Variants in MCM2 observed in about 807,000 individuals in gnomAD.
MCM2 encodes minichromosome maintenance complex component 2.
A neutral mutation model predicts 86.4 loss-of-function variants in MCM2; 49 were observed. That is an observed-to-expected ratio of 0.57 (90% CI 0.45 to 0.72). MCM2 has a LOEUF of 0.72. Ranked by LOEUF, MCM2 falls within the 30% of genes least tolerant of loss-of-function variation. The pLI is 0.00. For synonymous variants in MCM2, 475 were observed against 484.6 expected, an observed-to-expected ratio of 0.98 and a Z score of 0.26; for missense variants, 1,038 against 1,259.9, an observed-to-expected ratio of 0.82 and a Z score of 2.67.
At position 127,620,735 on chromosome 3, in the gene MCM2, A is replaced by G. The variant is rs764627714; in HGVS notation, c.2303A>G (p.Glu768Gly). ...GSIPITVRHI[E>G]SMIRMAEAHA... is the part of the protein sequence containing the mutation. ...ATCCCCATTACGGTGCGGCACATCG[A>G]GTCCATGATCCGCATGGCGGAGGCC... Residue 768 changes from glutamate to glycine, a missense_variant, in exon 14 of 16, where the codon GAG becomes GGG. Coordinates refer to ENST00000265056, the MANE Select transcript of MCM2 (RefSeq NM_004526.4). 9 of 1,610,980 alleles carry G rather than the reference A, an allele frequency of 5.6e-6. No individual in the cohort carries two copies. Among genetic ancestry groups the G allele is most frequent in the African/African-American group, 1.3e-5 (1 of 75,020 alleles).
chr3:127,621,253 G>A (rs1403060331), intron 15 of MCM2, 25 bp downstream of exon 15: 43 of 1,612,342 alleles, frequency 2.7e-5, no homozygotes, highest in Non-Finnish European at 3.6e-5. Context: ...GGGAGGTGAG[G>A]GTTGGGGTAT....
At chr3:127,620,674 A>C (rs1382870302) in intron 13 of MCM2, 24 bp from the exon 14 acceptor site, 3 of 1,563,728 alleles carry the variant, frequency 1.9e-6, no homozygotes, top group Non-Finnish European at 2.6e-6. Flanking sequence ...CCCGTGAAAG[A>C]CCTGACACTG....
In MCM2 at chr3:127,619,220, A is replaced by G. The variant is rs1417236442; in HGVS notation, c.2207A>G (p.Asn736Ser). ...YAKERVHPKL[N>S]QMDQDKVAKM... is the part of the protein sequence containing the mutation. ...AAGGAGAGGGTCCACCCGAAGCTCA[A>G]CCAGATGGACCAGGACAAGGTGGCC... is the stretch of plus-strand genomic sequence containing the variant. Residue 736 changes from asparagine (N) to serine (S), a missense_variant, in exon 13 of 16, where the codon AAC becomes AGC. Around this residue, in one of 4 missense-constraint regions of MCM2, gnomAD observed 336 missense variants for 425.7 expected, o/e 0.79. Transcript: ENST00000265056. 6.2e-7 allele frequency: 1 copy of G among 1,614,074 alleles called. No individual in the cohort carries two copies. Among genetic ancestry groups the G allele is most frequent in the African/African-American group, 1.3e-5 (1 of 74,944 alleles).
intron 8 of MCM2, chr3:127,610,854 A>C (rs1304266931): frequency 2.2e-6 from 1 of 456,638 alleles, no homozygotes; most frequent in South Asian, 1.5e-5. Flanking sequence ...CATCGAACCT[A>C]GTCTGCGAAG....
Position 127,622,000 on chromosome 3 carries a change from G to A in MCM2, c.*227G>A. Reference sequence around the variant, plus strand: ...CCTTGCCAGTGTGTCTTACTTGGTTGCTGAACATCTTGCCACCTCCGAGTG... The same window carrying A: ...CCTTGCCAGTGTGTCTTACTTGGTTACTGAACATCTTGCCACCTCCGAGTG... On this transcript the variant is annotated 3_prime_UTR_variant, in exon 16 of 16. Coordinates refer to ENST00000265056, the MANE Select transcript of MCM2 (RefSeq NM_004526.4). 6.1e-6 allele frequency: 3 copies of A among 492,952 alleles called. No homozygotes were observed. The South Asian group carries it at 7.3e-5, about 12-fold the overall frequency. The allele number at this position is 492,952 out of a possible 1,614,324, so 30.5% of individuals were successfully genotyped here.
Position 127,618,672 on chromosome 3 carries a change from C to T in MCM2, c.2014-355C>T, listed in dbSNP as rs565487298. Among the ~76,000 whole-genome samples the T allele has an allele frequency of 6.6e-6, 1 of 152,312 alleles. No individual in the cohort carries two copies. The highest frequency in any genetic ancestry group is 1.9e-4 in the East Asian group (1 of 5,174). On this transcript the variant is annotated intron_variant, in intron 12 of 15. Coordinates refer to ENST00000265056, the MANE Select transcript of MCM2 (RefSeq NM_004526.4). This position sits in a 1 kb window ranked among gnomAD's most constrained non-coding sequence, Gnocchi z 4.0. ...TGTCACATGACTTGCATCTCATTGT[C>T]GTCATCTCAGCTCCCTGTCTTTCAG...
chr3:127,616,019 A>G (rs901101201), intron 9 of MCM2, 64 bp downstream of exon 9: 3 of 1,287,668 alleles, frequency 2.3e-6, no homozygotes, highest in African/African-American at 2.9e-5. Flanking sequence ...CCAGCATTCA[A>G]AGAAGGACAC....
At chr3:127,616,618 C>T (rs546084821) in intron 9 of MCM2, among the ~76,000 whole-genome samples, 2 of 152,364 alleles carry the variant, frequency 1.3e-5, no homozygotes, top group African/African-American at 2.4e-5. Flanking sequence ...CTTTGGAGAA[C>T]ACTTAGATTG....
At position 127,615,954 on chromosome 3, in the gene MCM2, A is replaced by T; in HGVS notation, c.1521A>T (p.Pro507=). ...TGTTCGGAGGGGAGCCCAAAAACCC[A>T]GGTGAGCACCCACCTTTCCTCTGCA... ...LALFGGEPKN[P]GGKHKVRGDI... is the part of the protein sequence containing the mutation. The change falls in exon 9 of 16, where the codon CCA becomes CCT. Residue 507 remains proline, a splice_region_variant and synonymous_variant. Transcript: ENST00000265056. The T allele has an allele frequency of 6.2e-7, 1 of 1,613,384 alleles. No homozygotes were observed. The highest frequency in any genetic ancestry group is 8.5e-7 in the Non-Finnish European group (1 of 1,179,326).
chr3:127,616,941 T>G lies in MCM2; in HGVS notation c.1596T>G (p.Phe532Leu). 1 of 1,614,186 alleles carries G rather than the reference T, an allele frequency of 6.2e-7. No individual in the cohort carries two copies. Among genetic ancestry groups the G allele is most frequent in the Non-Finnish European group, 8.5e-7 (1 of 1,180,038 alleles). The change falls in exon 10 of 16, where the codon TTT becomes TTG. Residue 532 changes from phenylalanine (F) to leucine (L), a missense_variant. By Grantham distance (22) the Phe-to-Leu change is conservative. Around this residue, in one of 4 missense-constraint regions of MCM2, gnomAD observed 399 missense variants for 507.2 expected, o/e 0.79. Transcript: ENST00000265056. ...CGDPGTAKSQ[F>L]LKYIEKVSSR... ...ACCCTGGCACAGCGAAGTCGCAGTT[T>G]CTCAAGTATATTGAGAAAGTGTCCA...
chr3:127,608,787 A>G (rs1174279489), intron 7 of MCM2, 45 bp from the exon 8 acceptor site: 1 of 1,592,132 alleles, frequency 6.3e-7, no homozygotes, highest in African/African-American at 1.3e-5. Context: ...GGAGGTGGGC[A>G]CCCCTGGGTT....
chr3:127,621,969 G>A lies in MCM2; in HGVS notation c.*196G>A. On this transcript the variant is annotated 3_prime_UTR_variant, in exon 16 of 16. Transcript: ENST00000265056. ...TGCTTTGTGCTTCTCACCTTTGGGT[G>A]GGATGCCTTGCCAGTGTGTCTTACT... The A allele has an allele frequency of 1.8e-6, 1 of 541,456 alleles. No individual in the cohort carries two copies. Among genetic ancestry groups the A allele is most frequent in the Non-Finnish European group, 3.3e-6 (1 of 303,132 alleles). 33.5% of individuals were successfully genotyped at this position (541,456 alleles called of 1,614,324 possible).
In MCM2 at chr3:127,617,541, A is replaced by G. The variant is rs2074442845; in HGVS notation, c.1900+136A>G. Reference sequence around the variant, plus strand: ...GCAGCAGAGGGTTCCCCTCTTCTGCATATCCTGCCAGAGTGGGGAACAGTG... The same window carrying G: ...GCAGCAGAGGGTTCCCCTCTTCTGCGTATCCTGCCAGAGTGGGGAACAGTG... On this transcript the variant is annotated intron_variant, in intron 11 of 15. Transcript: ENST00000265056. The surrounding 1 kb of genome is among the most constrained non-coding windows in gnomAD (Gnocchi z 4.1). The G allele has an allele frequency of 3.5e-6, 4 of 1,129,176 alleles. No individual in the cohort carries two copies. Among genetic ancestry groups the G allele is most frequent in the South Asian group, 3.2e-5 (2 of 61,832 alleles). The allele number at this position is 1,129,176 out of a possible 1,614,324, so 69.9% of individuals were successfully genotyped here. A position where few individuals can be genotyped will look rare whatever the true frequency, so the allele number is the denominator to read the frequency against.
chr3:127,617,717 C>T lies in MCM2; in HGVS notation c.1901-252C>T, dbSNP rs1258629729. 1 of 587,626 alleles carries T rather than the reference C, an allele frequency of 1.7e-6. No homozygotes were observed. The highest frequency in any genetic ancestry group is 3.0e-6 in the Non-Finnish European group (1 of 330,468). 36.4% of individuals were successfully genotyped at this position (587,626 alleles called of 1,614,324 possible). Reference sequence around the variant, plus strand: ...CTCAGCAGCGAATGCGTAAAAGAACCCAGGCTCTGTCACCCACTGTGTTCT... The same window carrying T: ...CTCAGCAGCGAATGCGTAAAAGAACTCAGGCTCTGTCACCCACTGTGTTCT... On this transcript the variant is annotated intron_variant, in intron 11 of 15. Coordinates refer to ENST00000265056, the MANE Select transcript of MCM2 (RefSeq NM_004526.4). This position sits in a 1 kb window ranked among gnomAD's most constrained non-coding sequence, Gnocchi z 4.1.
chr3:127,599,352 C>T lies in MCM2; in HGVS notation c.41C>T (p.Pro14Leu), dbSNP rs771192544. 7 of 1,614,166 alleles carry T rather than the reference C, an allele frequency of 4.3e-6. No individual in the cohort carries two copies. Among genetic ancestry groups the T allele is most frequent in the South Asian group, 1.1e-5 (1 of 91,088 alleles). The change falls in exon 2 of 16, where the codon CCG (proline) becomes CTG (leucine). Residue 14 changes from proline (P) to leucine (L), a missense_variant. Physicochemically the swap from Pro to Leu is moderately conservative, Grantham distance 98 (BLOSUM62 -3). Around this residue, in one of 4 missense-constraint regions of MCM2, gnomAD observed 300 missense variants for 307.4 expected, o/e 0.98. Transcript: ENST00000265056. ...GAATCCTTCACCATGGCATCCAGCC[C>T]GGCCCAGCGTCGGCGAGGCAATGAT... ...SSESFTMASSPAQRRRGNDPL... is the reference protein window; with the variant it reads ...SSESFTMASSLAQRRRGNDPL...
In MCM2 at chr3:127,617,299, C is replaced by T; in HGVS notation, c.1794C>T (p.Thr598=). 6.2e-7 allele frequency: 1 copy of T among 1,614,092 alleles called. No homozygotes were observed. Among genetic ancestry groups the T allele is most frequent in the Non-Finnish European group, 8.5e-7 (1 of 1,180,014 alleles). Residue 598 remains threonine (T), a synonymous_variant, in exon 11 of 16, where the codon ACC becomes ACT. Transcript: ENST00000265056. The surrounding 1 kb of genome is among the most constrained non-coding windows in gnomAD (Gnocchi z 4.1). ...EFDKMNDQDR[T]SIHEAMEQQS... ...TGCAGATGAATGACCAGGACAGAAC[C>T]AGCATCCATGAGGCCATGGAGCAAC...
Position 127,620,897 on chromosome 3 carries a change from G to A in MCM2, c.2448+17G>A. The A allele has an allele frequency of 1.3e-6, 2 of 1,590,102 alleles. No individual in the cohort carries two copies. Among genetic ancestry groups the A allele is most frequent in the South Asian group, 1.1e-5 (1 of 87,774 alleles). On this transcript the variant is annotated intron_variant, in intron 14 of 15. Coordinates refer to ENST00000265056, the MANE Select transcript of MCM2 (RefSeq NM_004526.4). ...ATGCGCAAGGTGGGTGTGCTCCGAG[G>A]TAGGGGCCTGATGGGCAAGCTCAGT...
rs376455762 is a variant in MCM2 at position 127,606,063 on chromosome 3, G to C, written c.674-55G>C. ...TGCTTCTCACACAGGCATTGTTGCA[G>C]CCCAGCCCAGGCCTCATGCTTAGTT... On this transcript the variant is annotated intron_variant, in intron 4 of 15. Transcript: ENST00000265056. This position sits in a 1 kb window ranked among gnomAD's most constrained non-coding sequence, Gnocchi z 4.2. 4.9e-6 allele frequency: 7 copies of C among 1,417,688 alleles called. No individual in the cohort carries two copies. In the East Asian group the frequency reaches 1.2e-4, roughly 23 times the overall value. 87.8% of individuals were successfully genotyped at this position (1,417,688 alleles called of 1,614,324 possible). A position where few individuals can be genotyped will look rare whatever the true frequency, so the allele number is the denominator to read the frequency against.
At position 127,608,888 on chromosome 3, in the gene MCM2, C is replaced by T. The variant is rs765709610; in HGVS notation, c.1293C>T (p.Gly431=). 2 of 1,614,176 alleles carry T rather than the reference C, an allele frequency of 1.2e-6. No individual in the cohort carries two copies. Among genetic ancestry groups the T allele is most frequent in the Admixed American group, 1.7e-5 (1 of 60,028 alleles). Residue 431 remains glycine, a synonymous_variant, in exon 8 of 16, where the codon GGC becomes GGT. Transcript: ENST00000265056. ...ATGGCTCCCTCAACACTGCCAATGG[C>T]TTCCCTGTCTTTGCCACTGTCATCC... ...NYDGSLNTAN[G]FPVFATVILA...
Sources: allele counts gnomAD v4.1 joint callset (sites outside exome capture counted in the v4.1 genomes callset), GRCh38; gene constraint gnomAD v4.1.1; regional missense constraint gnomAD v4.1.1; non-coding constraint Gnocchi (gnomAD v3.1); transcripts MANE v1.5; gene names NCBI Gene and HGNC (gene_info 2026-07-23, HGNC 2026-07-21).